Variants in HDAC4 observed in about 807,000 individuals in gnomAD.
The protein encoded by HDAC4 is histone deacetylase A.
HDAC4 carries 16 observed loss-of-function variants against 135.1 expected under a neutral mutation model. The observed-to-expected ratio is 0.12, with a 90% CI of 0.08 to 0.18. The LOEUF (loss-of-function observed/expected upper bound fraction) is 0.18. Ranked by LOEUF, HDAC4 falls within the 10% of genes least tolerant of loss-of-function variation. The probability of loss-of-function intolerance (pLI) is 1.00; values close to 1 mark genes in which losing one functional copy is unlikely to be tolerated. For missense variants in HDAC4, 1,143 were observed against 1,511.8 expected (o/e 0.76, Z 4.05); for synonymous variants, 685 against 653.4 (o/e 1.05, Z -0.74).
chr2:239,246,999 G>A (rs891170849), intron 2 of HDAC4, among the ~76,000 whole-genome samples: 1 of 152,242 alleles, frequency 6.6e-6, no homozygotes, highest in African/African-American at 2.4e-5. Flanking sequence ...CACAACAGAC[G>A]TCAAATAGGA....
chr2:239,087,015 G>A (rs772089488), intron 19 of HDAC4, among the ~76,000 whole-genome samples: 3 of 152,170 alleles, frequency 2.0e-5, no homozygotes, highest in Non-Finnish European at 2.9e-5. Context: ...GACACACAGG[G>A]ATGGATCCGG....
chr2:239,270,747 G>A (rs886920350), intron 2 of HDAC4, among the ~76,000 whole-genome samples: 2 of 152,088 alleles, frequency 1.3e-5, no homozygotes, highest in African/African-American at 2.4e-5. Context: ...GGAGTAAGAC[G>A]ACCTGTTGAC....
At chr2:239,099,807 G>A (rs190452375) in intron 16 of HDAC4, among the ~76,000 whole-genome samples, 2 of 152,290 alleles carry the variant, frequency 1.3e-5, no homozygotes, top group East Asian at 3.9e-4. Flanking sequence ...CTTCCTGGCC[G>A]CCACCCTCTC....
chr2:239,306,614 C>T lies in HDAC4; in HGVS notation c.22+46064G>A, dbSNP rs1488745352. Reference sequence around the variant, plus strand: ...TCACCTAAACAAGGTCAAACACAGGCACTACATCAGGCACCCCATGTTCCC... The same window carrying T: ...TCACCTAAACAAGGTCAAACACAGGTACTACATCAGGCACCCCATGTTCCC... On this transcript the variant is annotated intron_variant, in intron 2 of 26. Coordinates refer to ENST00000543185, the MANE Select transcript of HDAC4 (RefSeq NM_001378414.1). This position sits in a 1 kb window ranked among gnomAD's most constrained non-coding sequence, Gnocchi z 4.5. Among the ~76,000 whole-genome samples the T allele has an allele frequency of 6.6e-6, 1 of 152,244 alleles. No homozygotes were observed. The highest frequency in any genetic ancestry group is 1.9e-4 in the East Asian group (1 of 5,150).
chr2:239,230,243 G>A (rs539812749), intron 3 of HDAC4, among the ~76,000 whole-genome samples: 124 of 152,124 alleles, frequency 8.2e-4, no homozygotes, highest in African/African-American at 2.7e-3. Context: ...TGGTCAAGAA[G>A]GGGGTCCATT....
intron 24 of HDAC4, among the ~76,000 whole-genome samples, chr2:239,061,006 G>A (rs548164539): frequency 3.2e-4 from 49 of 152,348 alleles, no homozygotes; most frequent in Non-Finnish European, 5.4e-4. Flanking sequence ...GCTGAAAGTC[G>A]GCCAGGAAGG....
chr2:239,391,159 G>A (rs1696178202), intron 1 of HDAC4, among the ~76,000 whole-genome samples: 1 of 152,232 alleles, frequency 6.6e-6, no homozygotes, highest in Non-Finnish European at 1.5e-5. Context: ...GCCGGGCTCT[G>A]CATACCGGGT....
At chr2:239,066,623 C>G (rs993260863) in intron 24 of HDAC4, 99 bp downstream of exon 24, 68 of 1,538,464 alleles carry the variant, frequency 4.4e-5, no homozygotes, top group African/African-American at 1.4e-5. Flanking sequence ...GGTCAGAGAC[C>G]CACTGGCTTT....
At chr2:239,267,334 T>C (rs1407221571) in intron 2 of HDAC4, among the ~76,000 whole-genome samples, 1 of 152,166 alleles carries the variant, frequency 6.6e-6, no homozygotes, top group Non-Finnish European at 1.5e-5. Context: ...CGGCCTCTGA[T>C]ACAGACCCTC....
chr2:239,082,160 A>G lies in HDAC4; in HGVS notation c.2594T>C (p.Met865Thr), dbSNP rs1407902276. The change falls in exon 21 of 27, where the codon ATG (methionine) becomes ACG (threonine). Residue 865 changes from methionine (M) to threonine (T), a missense_variant. This residue lies in a region of HDAC4 where 189 missense variants were observed against 317.6 expected (regional missense o/e 0.60). Transcript: ENST00000543185. The part of the protein sequence containing the change: ...AFYSDPSVLY[M>T]SLHRYDDGNF... ...CCCATCGTCGTAGCGGTGGAGGGACATGTACAGGACGCTGGGGTCGCTGTA... is the reference window on the plus strand; with the variant it reads ...CCCATCGTCGTAGCGGTGGAGGGACGTGTACAGGACGCTGGGGTCGCTGTA... 6.2e-7 allele frequency: 1 copy of G among 1,614,110 alleles called. No individual in the cohort carries two copies. Among genetic ancestry groups the G allele is most frequent in the Admixed American group, 1.7e-5 (1 of 60,030 alleles).
intron 16 of HDAC4, among the ~76,000 whole-genome samples, chr2:239,102,441 G>A (rs191697733): frequency 1.4e-4 from 22 of 152,302 alleles, no homozygotes; most frequent in Admixed American, 1.4e-3. Context: ...GCCTTAAAGC[G>A]GAGCTCAAAA....
At chr2:239,203,113 C>T (rs542746213) in intron 3 of HDAC4, among the ~76,000 whole-genome samples, 8 of 152,264 alleles carry the variant, frequency 5.3e-5, no homozygotes, top group Non-Finnish European at 1.0e-4. Context: ...CAGAAGCTAC[C>T]GCGAAAAGGC....
intron 17 of HDAC4, chr2:239,094,302 G>A: frequency 2.0e-6 from 2 of 985,460 alleles, no homozygotes; most frequent in Non-Finnish European, 1.2e-6. Context: ...TTTTGTTATT[G>A]AGAAGTTTGA....
intron 12 of HDAC4, among the ~76,000 whole-genome samples, chr2:239,122,998 C>T (rs1233067261): frequency 6.6e-6 from 1 of 152,178 alleles, no homozygotes; most frequent in Non-Finnish European, 1.5e-5. Context: ...GGGCAAGATT[C>T]TTGTCTTCCT....
intron 19 of HDAC4, among the ~76,000 whole-genome samples, chr2:239,086,412 A>AAT: frequency 6.8e-6 from 1 of 147,140 alleles, no homozygotes; most frequent in African/African-American, 2.6e-5. Flanking sequence ...TCTCACGTAC[A>AAT]GTCTCCTCCC....
At chr2:239,378,383 C>T (rs1695174886) in intron 1 of HDAC4, among the ~76,000 whole-genome samples, 1 of 152,180 alleles carries the variant, frequency 6.6e-6, no homozygotes, top group African/African-American at 2.4e-5. Flanking sequence ...GGCGTTGGCC[C>T]CGGGGAACGA....
intron 18 of HDAC4, among the ~76,000 whole-genome samples, chr2:239,089,111 G>A (rs1294379793): frequency 6.6e-6 from 1 of 152,140 alleles, no homozygotes; most frequent in Non-Finnish European, 1.5e-5. Context: ...ACTACCACTT[G>A]CTGAATTTTT....
intron 1 of HDAC4, among the ~76,000 whole-genome samples, chr2:239,359,551 T>C (rs979713539): frequency 2.6e-5 from 4 of 152,208 alleles, no homozygotes; most frequent in Non-Finnish European, 5.9e-5. Flanking sequence ...CAGAAGCAGC[T>C]TGGGTGGGGA....
intron 3 of HDAC4, among the ~76,000 whole-genome samples, chr2:239,218,179 CAG>C (rs34856708): frequency 0.54 from 81,631 of 151,916 alleles, 23,162 homozygotes; most frequent in South Asian, 0.73. Context: ...ATAAATAACA[CAG>C]AGTCACATGA....
Sources: allele counts gnomAD v4.1 joint callset (sites outside exome capture counted in the v4.1 genomes callset), GRCh38; gene constraint gnomAD v4.1.1; regional missense constraint gnomAD v4.1.1; non-coding constraint Gnocchi (gnomAD v3.1); transcripts MANE v1.5; gene names NCBI Gene and HGNC (gene_info 2026-07-23, HGNC 2026-07-21).